MAST4: variants seen among roughly 807,000 people sequenced by gnomAD.
MAST4 encodes microtubule-associated serine/threonine-protein kinase 4.
Under a neutral mutation model 162.7 loss-of-function variants are expected in MAST4, and 89 were observed. The ratio of observed to expected loss-of-function variants is 0.55; its 90% CI spans 0.46 to 0.65. The LOEUF (loss-of-function observed/expected upper bound fraction) is 0.65, where lower values mean the gene tolerates loss of function less well. Among genes scored for constraint, MAST4 ranks in the 30% least tolerant of loss-of-function variants. MAST4 has a pLI of 0.00. For synonymous variants in MAST4, 1,479 were observed against 1,361.1 expected (o/e 1.09, Z -1.91); for missense variants, 3,153 against 3,374.0 (o/e 0.93, Z 1.62).
chr5:67,028,897 A>G (rs1156992047), intron 4 of MAST4, among the ~76,000 whole-genome samples: 1 of 152,118 alleles, frequency 6.6e-6, no homozygotes, highest in African/African-American at 2.4e-5. Context: ...AGGAGGCCCA[A>G]GTGGGTGAAT....
At chr5:67,011,994 G>A (rs1361804933) in intron 4 of MAST4, among the ~76,000 whole-genome samples, 1 of 140,556 alleles carries the variant, frequency 7.1e-6, no homozygotes, top group Non-Finnish European at 1.6e-5. Context: ...TCTATTCACT[G>A]CTATTGTGTG....
At chr5:67,054,749 G>A (rs1244502161) in intron 5 of MAST4, among the ~76,000 whole-genome samples, 1 of 152,122 alleles carries the variant, frequency 6.6e-6, no homozygotes, top group African/African-American at 2.4e-5. Context: ...CTAAATGCCT[G>A]GATGATACAA....
chr5:66,998,651 C>T (rs1261722655), intron 4 of MAST4, among the ~76,000 whole-genome samples: 1 of 152,190 alleles, frequency 6.6e-6, no homozygotes. Flanking sequence ...TCAATCTCTT[C>T]TTTCCCCTGC....
chr5:67,017,824 C>G (rs1328809604), intron 4 of MAST4, among the ~76,000 whole-genome samples: 1 of 151,944 alleles, frequency 6.6e-6, no homozygotes, highest in East Asian at 1.9e-4. Context: ...ATCTGGAACT[C>G]CTAACCTTGT....
chr5:66,866,197 C>T (rs770386543), intron 3 of MAST4, among the ~76,000 whole-genome samples: 8 of 105,516 alleles, frequency 7.6e-5, no homozygotes, highest in South Asian at 6.1e-4. Context: ...TAGCTGCCGT[C>T]GTAGGGTCTG....
intron 4 of MAST4, among the ~76,000 whole-genome samples, chr5:67,003,009 C>G (rs1304527948): frequency 6.6e-6 from 1 of 150,634 alleles, no homozygotes; most frequent in African/African-American, 2.4e-5. Flanking sequence ...CAAGAAAGCT[C>G]CTCAGACAAA....
chr5:66,765,060 A>G (rs1415655133), intron 2 of MAST4, among the ~76,000 whole-genome samples: 1 of 152,192 alleles, frequency 6.6e-6, no homozygotes, highest in East Asian at 1.9e-4. Context: ...GCAGTTGCCT[A>G]CAGTATTAGG....
chr5:66,857,481 G>C (rs1171591737), intron 3 of MAST4, among the ~76,000 whole-genome samples: 1 of 152,194 alleles, frequency 6.6e-6, no homozygotes, highest in African/African-American at 2.4e-5. Context: ...GGATATTGCA[G>C]TAAACTTGTC....
chr5:66,733,561 A>G (rs3111622), intron 1 of MAST4, among the ~76,000 whole-genome samples: 115,850 of 151,558 alleles, frequency 0.76, 45,542 homozygotes, highest in African/African-American at 0.94. Flanking sequence ...GGGTTCAAGC[A>G]ATTATCCTGC....
chr5:66,971,622 T>C (rs753337110), intron 4 of MAST4, among the ~76,000 whole-genome samples: 38 of 152,240 alleles, frequency 2.5e-4, no homozygotes, highest in Non-Finnish European at 5.1e-4. Flanking sequence ...GTGACTACTT[T>C]ACTTAAGTAA....
Position 67,166,618 on chromosome 5 carries a change from G to A in MAST4, c.7439G>A (p.Ser2480Asn), listed in dbSNP as rs1405086424. 9.4e-6 allele frequency: 15 copies of A among 1,601,206 alleles called. No homozygotes were observed. In the Admixed American group the frequency reaches 2.2e-4, roughly 24 times the overall value. Residue 2480 changes from serine to asparagine, a missense_variant, in exon 29 of 29, where the codon AGC (serine) becomes AAC (asparagine). Ser to Asn is a conservative substitution (Grantham distance 46). Around this residue, in one of 7 missense-constraint regions of MAST4, gnomAD observed 1,644 missense variants for 1,495.0 expected, o/e 1.10. Transcript: ENST00000403625. The stretch of plus-strand genomic sequence containing the variant: ...GTTAGAGAGGCCTCTGCAGCCAGCA[G>A]CGACACCTCTTCTGCCAAGGCCGCC... The part of the protein sequence containing the change: ...AGVREASAAS[S>N]DTSSAKAAGG...
intron 4 of MAST4, among the ~76,000 whole-genome samples, chr5:66,972,998 T>C (rs1747638997): frequency 2.6e-5 from 4 of 152,322 alleles, no homozygotes; most frequent in African/African-American, 9.6e-5. Flanking sequence ...TTGAAAAAAT[T>C]GTACGACCAT....
At chr5:66,729,508 A>G (rs904409379) in intron 1 of MAST4, among the ~76,000 whole-genome samples, 10 of 152,170 alleles carry the variant, frequency 6.6e-5, no homozygotes, top group African/African-American at 2.2e-4. Context: ...AATGAAATGT[A>G]TATTAACTAT....
intron 1 of MAST4, among the ~76,000 whole-genome samples, chr5:66,692,430 T>C (rs1268933358): frequency 2.0e-5 from 3 of 151,668 alleles, no homozygotes; most frequent in African/African-American, 4.8e-5. Flanking sequence ...TTTTTTACTT[T>C]ATTGTAGGGC....
chr5:66,740,084 C>A (rs1195944851), intron 1 of MAST4, among the ~76,000 whole-genome samples: 1 of 152,142 alleles, frequency 6.6e-6, no homozygotes, highest in Non-Finnish European at 1.5e-5. Flanking sequence ...GTGGGAGGAA[C>A]TGAGTGTGGA....
chr5:66,973,185 T>C (rs188736446), intron 4 of MAST4, among the ~76,000 whole-genome samples: 1 of 152,306 alleles, frequency 6.6e-6, no homozygotes, highest in Admixed American at 6.5e-5. Flanking sequence ...AGAATAAGTA[T>C]ATTCTCCTAT....
At chr5:66,891,782 A>G (rs461702) in intron 3 of MAST4, among the ~76,000 whole-genome samples, 80,798 of 152,150 alleles carry the variant, frequency 0.53, 21,787 homozygotes, top group Middle Eastern at 0.6. Flanking sequence ...AGGCTCAAGT[A>G]TTGTGTCACT....
chr5:67,162,569 G>C (rs1327956535), intron 27 of MAST4, 38 bp from the exon 28 acceptor site: 2 of 1,604,298 alleles, frequency 1.2e-6, no homozygotes, highest in Admixed American at 1.7e-5. Flanking sequence ...CAATAGTTCT[G>C]AAAGAAGACT....
At chr5:66,624,146 GTTTTTTT>G (rs200030700) in intron 1 of MAST4, among the ~76,000 whole-genome samples, 41 of 90,120 alleles carry the variant, frequency 4.5e-4, no homozygotes, top group East Asian at 1.1e-3. Flanking sequence ...TTGTTAAAAT[GTTTTTTT>G]TTTTTTTTTT....
Sources: gnomAD v4.1 joint callset for allele counts (sites outside exome capture counted in the v4.1 genomes callset) on GRCh38, gnomAD v4.1.1 for gene constraint, gnomAD v4.1.1 regional missense constraint, MANE v1.5 for transcripts, NCBI Gene and HGNC (gene_info 2026-07-23, HGNC 2026-07-21) for gene names.